Variants in FAXC observed in about 807,000 individuals in gnomAD.
FAXC encodes failed axon connections homolog, metaxin like GST domain containing.
In FAXC, 10 loss-of-function variants were observed where a neutral mutation model predicts 41.9. The observed-to-expected ratio is 0.24, with a 90% CI of 0.15 to 0.41. The LOEUF (loss-of-function observed/expected upper bound fraction) is 0.41. FAXC is among the 10% of genes least tolerant of loss of function. The probability of loss-of-function intolerance (pLI) is 1.00; values close to 1 mark genes in which losing one functional copy is unlikely to be tolerated. For synonymous variants in FAXC, 183 were observed against 183.8 expected (o/e 1.00, Z 0.03); for missense variants, 399 against 510.9 (o/e 0.78, Z 2.11).
chr6:99,335,429 G>A (rs951890008), intron 2 of FAXC, among the ~76,000 whole-genome samples: 2 of 152,170 alleles, frequency 1.3e-5, no homozygotes, highest in African/African-American at 4.8e-5. Context: ...GCACGTTCCA[G>A]CTCACAGCCT....
At chr6:99,339,760 G>A (rs1156669075) in intron 2 of FAXC, among the ~76,000 whole-genome samples, 1 of 152,084 alleles carries the variant, frequency 6.6e-6, no homozygotes, top group African/African-American at 2.4e-5. Context: ...TCAGAGAGAG[G>A]AATGCTTCCA....
chr6:99,321,010 T>C (rs1772568932), intron 4 of FAXC, among the ~76,000 whole-genome samples: 1 of 151,702 alleles, frequency 6.6e-6, no homozygotes, highest in South Asian at 2.1e-4. Context: ...GGCACATTTC[T>C]GTTGCATTTT....
intron 4 of FAXC, among the ~76,000 whole-genome samples, chr6:99,318,000 TG>T (rs1277608197): frequency 1.3e-5 from 2 of 152,048 alleles, no homozygotes; most frequent in African/African-American, 4.8e-5. Flanking sequence ...GGCTCACGCC[TG>T]TAATCCCAGC....
intron 4 of FAXC, among the ~76,000 whole-genome samples, chr6:99,298,692 A>G (rs1352990506): frequency 6.6e-6 from 1 of 152,246 alleles, no homozygotes; most frequent in Non-Finnish European, 1.5e-5. Context: ...AGGTTATGAT[A>G]GCCTTAATTA....
Position 99,277,782 on chromosome 6 carries a change from G to T in FAXC, c.*3382C>A, listed in dbSNP as rs554669127. 1 of 152,264 alleles carries T rather than the reference G, an allele frequency of 6.6e-6. No individual in the cohort carries two copies. The highest frequency in any genetic ancestry group is 2.1e-4 in the South Asian group (1 of 4,818). 9.4% of individuals were successfully genotyped at this position (152,264 alleles called of 1,614,324 possible). A position where few individuals can be genotyped will look rare whatever the true frequency, so the allele number is the denominator to read the frequency against. On this transcript the variant is annotated 3_prime_UTR_variant, in exon 6 of 6. Transcript: ENST00000389677. Reference sequence around the variant, plus strand: ...CAAGGGCAAGGTGGTATAATAGAAAGAAACCATCAAGGGCAACGTGGTGTA... The same window carrying T: ...CAAGGGCAAGGTGGTATAATAGAAATAAACCATCAAGGGCAACGTGGTGTA...
intron 5 of FAXC, among the ~76,000 whole-genome samples, chr6:99,282,134 T>C (rs1770864344): frequency 1.3e-5 from 2 of 152,186 alleles, no homozygotes; most frequent in Admixed American, 1.3e-4. Context: ...TAAACTACCA[T>C]CATTTGGCTT....
chr6:99,323,807 A>G, intron 3 of FAXC, 140 bp from the exon 4 acceptor site: 1 of 651,154 alleles, frequency 1.5e-6, no homozygotes. Context: ...AGCAATCTGC[A>G]TGGCAGCTAT....
In FAXC at chr6:99,280,344, G is replaced by C. The variant is rs903571805; in HGVS notation, c.*820C>G. ...TTTGCAGGTGACTGTGGTGGTGGTTGCCTGGATATGGAATTCCTTTGCCCT... is the reference window on the plus strand; with the variant it reads ...TTTGCAGGTGACTGTGGTGGTGGTTCCCTGGATATGGAATTCCTTTGCCCT... On this transcript the variant is annotated 3_prime_UTR_variant, in exon 6 of 6. Transcript: ENST00000389677. The C allele has an allele frequency of 5.9e-5, 9 of 152,236 alleles. No homozygotes were observed. The highest frequency in any genetic ancestry group is 1.9e-4 in the African/African-American group (8 of 41,448). 9.4% of individuals were successfully genotyped at this position (152,236 alleles called of 1,614,324 possible). A position where few individuals can be genotyped will look rare whatever the true frequency, so the allele number is the denominator to read the frequency against.
intron 1 of FAXC, among the ~76,000 whole-genome samples, chr6:99,346,973 C>T (rs892991154): frequency 6.6e-6 from 1 of 152,076 alleles, no homozygotes; most frequent in African/African-American, 2.4e-5. Context: ...TGTCCAGAAA[C>T]AAAACTGGCC....
chr6:99,286,457 C>T (rs1276487655), intron 5 of FAXC, among the ~76,000 whole-genome samples: 1 of 152,172 alleles, frequency 6.6e-6, no homozygotes, highest in Admixed American at 6.5e-5. Flanking sequence ...CAAGGAGATG[C>T]AGCATTTTTT....
chr6:99,288,859 T>TACACACACACAC (rs55895848), intron 5 of FAXC, among the ~76,000 whole-genome samples: 11,634 of 145,780 alleles, frequency 0.08, 1,045 homozygotes, highest in African/African-American at 0.22. Flanking sequence ...CACACACACA[T>TACACACACACAC]ACACACACAC....
chr6:99,284,495 C>T (rs777208402), intron 5 of FAXC, among the ~76,000 whole-genome samples: 1 of 151,900 alleles, frequency 6.6e-6, no homozygotes, highest in Non-Finnish European at 1.5e-5. Context: ...AGCTGAGCCA[C>T]TTAACATGCT....
At chr6:99,347,552 A>G (rs6925239) in intron 1 of FAXC, among the ~76,000 whole-genome samples, 1 of 152,124 alleles carries the variant, frequency 6.6e-6, no homozygotes, top group Non-Finnish European at 1.5e-5. Context: ...CTCCAGTGAC[A>G]ACACCTGCCA....
intron 4 of FAXC, among the ~76,000 whole-genome samples, chr6:99,305,631 T>C (rs1201272748): frequency 6.6e-6 from 1 of 151,406 alleles, no homozygotes; most frequent in African/African-American, 2.4e-5. Flanking sequence ...GAGAATAATA[T>C]AGATATTGCT....
chr6:99,308,373 A>C (rs1772013513), intron 4 of FAXC, among the ~76,000 whole-genome samples: 1 of 152,200 alleles, frequency 6.6e-6, no homozygotes, highest in Admixed American at 6.5e-5. Flanking sequence ...AAAGTGGTAA[A>C]CTATTTTTGA....
chr6:99,291,575 C>G (rs1400557570), intron 5 of FAXC, 129 bp downstream of exon 5: 4 of 725,338 alleles, frequency 5.5e-6, no homozygotes, highest in Non-Finnish European at 1.0e-5. Flanking sequence ...TAGCCCTGTA[C>G]ACCATGCCTG....
At chr6:99,316,157 G>C (rs1050010815) in intron 4 of FAXC, among the ~76,000 whole-genome samples, 9 of 146,382 alleles carry the variant, frequency 6.1e-5, no homozygotes, top group East Asian at 4.3e-4. Context: ...TAACCCACTC[G>C]CCCCCCCCCA....
At chr6:99,321,025 C>T (rs1399848934) in intron 4 of FAXC, among the ~76,000 whole-genome samples, 2 of 152,192 alleles carry the variant, frequency 1.3e-5, no homozygotes, top group Non-Finnish European at 2.9e-5. Flanking sequence ...CATTTTTTCC[C>T]TACACTTTAA....
intron 4 of FAXC, among the ~76,000 whole-genome samples, chr6:99,310,204 G>C (rs6934106): frequency 0.74 from 112,674 of 152,114 alleles, 42,238 homozygotes; most frequent in Middle Eastern, 0.92. Context: ...ACCGAGCAAA[G>C]GTAACCTTTC....
Sources: gnomAD v4.1 joint callset for allele counts (sites outside exome capture counted in the v4.1 genomes callset) on GRCh38, gnomAD v4.1.1 for gene constraint, MANE v1.5 for transcripts, NCBI Gene and HGNC (gene_info 2026-07-23, HGNC 2026-07-21) for gene names.